Variants in CCNY observed in about 807,000 individuals in gnomAD.
CCNY encodes the protein cyclin-Y.
CCNY carries 19 observed loss-of-function variants against 42.8 expected under a neutral mutation model. The observed-to-expected ratio is 0.44, with a 90% CI of 0.31 to 0.65. The LOEUF (loss-of-function observed/expected upper bound fraction) is 0.65. Ranked by LOEUF, CCNY falls within the 30% of genes least tolerant of loss-of-function variation. The pLI is 0.07. For missense variants in CCNY, 370 were observed against 437.3 expected (o/e 0.85, Z 1.37); for synonymous variants, 165 against 162.7 (o/e 1.01, Z -0.11).
Position 35,530,816 on chromosome 10 carries a change from A to T in CCNY, c.579+573A>T, listed in dbSNP as rs1312691157. Among the ~76,000 whole-genome samples the T allele has an allele frequency of 6.6e-6, 1 of 152,214 alleles. No individual in the cohort carries two copies. The highest frequency in any genetic ancestry group is 1.5e-5 in the Non-Finnish European group (1 of 68,034). On this transcript the variant is annotated intron_variant, in intron 7 of 9. Transcript: ENST00000374704. This position sits in a 1 kb window ranked among gnomAD's most constrained non-coding sequence, Gnocchi z 4.3. ...GCTGGGCTCCATGGCTCACGTCAGT[A>T]ATTTCAGCACTTTGGGAGGTCAAGG... is the stretch of plus-strand genomic sequence containing the variant.
intron 2 of CCNY, among the ~76,000 whole-genome samples, chr10:35,488,793 A>C (rs1378635428): frequency 6.6e-6 from 1 of 152,200 alleles, no homozygotes; most frequent in East Asian, 1.9e-4. Flanking sequence ...TTTTAATACC[A>C]GAGTGATTTG....
chr10:35,292,781 GTTT>G (rs71033391), intron 3 of CCNY, among the ~76,000 whole-genome samples: 1 of 108,758 alleles, frequency 9.2e-6, no homozygotes, highest in African/African-American at 3.5e-5. Flanking sequence ...CTTTGTTTTT[GTTT>G]TTTTTTTTTT....
At chr10:35,459,926 G>T (rs1337697724) in intron 1 of CCNY, among the ~76,000 whole-genome samples, 1 of 152,066 alleles carries the variant, frequency 6.6e-6, no homozygotes, top group African/African-American at 2.4e-5. Flanking sequence ...CCAGTCCCTT[G>T]CTAATTAAAA....
intron 3 of CCNY, among the ~76,000 whole-genome samples, chr10:35,502,652 G>A (rs1328084720): frequency 6.6e-6 from 1 of 152,066 alleles, no homozygotes; most frequent in Non-Finnish European, 1.5e-5. Context: ...AGCAATCTGT[G>A]ACCTTTTCCC....
intron 1 of CCNY, among the ~76,000 whole-genome samples, chr10:35,480,664 T>TA (rs923215251): frequency 6.6e-6 from 1 of 152,094 alleles, no homozygotes; most frequent in African/African-American, 2.4e-5. Context: ...AAACAAAAGT[T>TA]AAAAAAAGCA....
At chr10:35,284,841 T>C (rs1448170675) in intron 3 of CCNY, among the ~76,000 whole-genome samples, 5 of 152,182 alleles carry the variant, frequency 3.3e-5, no homozygotes, top group Non-Finnish European at 7.3e-5. Context: ...CAAAATAATT[T>C]GTAATTTCCC....
intron 2 of CCNY, among the ~76,000 whole-genome samples, chr10:35,488,159 A>G (rs755227665): frequency 6.6e-6 from 1 of 152,232 alleles, no homozygotes; most frequent in Non-Finnish European, 1.5e-5. Context: ...AATAAAAACT[A>G]TCCATCCCTT....
At chr10:35,399,666 A>T (rs1412015959) in intron 1 of CCNY, among the ~76,000 whole-genome samples, 1 of 152,168 alleles carries the variant, frequency 6.6e-6, no homozygotes, top group Non-Finnish European at 1.5e-5. Flanking sequence ...ACATAACGAG[A>T]GTCTGTCTCT....
chr10:35,274,330 A>G (rs915245194), intron 3 of CCNY, among the ~76,000 whole-genome samples: 1 of 152,138 alleles, frequency 6.6e-6, no homozygotes, highest in Non-Finnish European at 1.5e-5. Flanking sequence ...CCCTCCCACA[A>G]CACATGGGAA....
At chr10:35,463,298 A>G (rs939561347) in intron 1 of CCNY, among the ~76,000 whole-genome samples, 2 of 152,140 alleles carry the variant, frequency 1.3e-5, no homozygotes, top group South Asian at 2.1e-4. Context: ...GGCACATGGT[A>G]GATGCTTACT....
At chr10:35,497,918 C>G (rs1840033556) in intron 2 of CCNY, among the ~76,000 whole-genome samples, 1 of 151,968 alleles carries the variant, frequency 6.6e-6, no homozygotes, top group South Asian at 2.1e-4. Flanking sequence ...TGCCTTCTGC[C>G]CATCTCCCTC....
At chr10:35,466,955 T>G (rs1293365295) in intron 1 of CCNY, among the ~76,000 whole-genome samples, 1 of 152,118 alleles carries the variant, frequency 6.6e-6, no homozygotes, top group Non-Finnish European at 1.5e-5. Context: ...TTTTAAATCT[T>G]AAAATGAAAG....
chr10:35,437,810 ACT>A (rs1424955224), intron 1 of CCNY, among the ~76,000 whole-genome samples: 9 of 152,320 alleles, frequency 5.9e-5, no homozygotes, highest in Middle Eastern at 3.4e-3. Context: ...GCACTGTTTT[ACT>A]GTTTCCCCTT....
At chr10:35,523,743 C>A (rs1840595665) in intron 4 of CCNY, among the ~76,000 whole-genome samples, 1 of 152,128 alleles carries the variant, frequency 6.6e-6, no homozygotes, top group African/African-American at 2.4e-5. Context: ...AATATAAGAT[C>A]ATGCTTTTAT....
At chr10:35,479,994 CT>C (rs79345630) in intron 1 of CCNY, among the ~76,000 whole-genome samples, 186 of 145,692 alleles carry the variant, frequency 1.3e-3, no homozygotes, top group Non-Finnish European at 1.3e-3. Flanking sequence ...GGCTTTTCCC[CT>C]TTTTTTTTTT....
chr10:35,315,584 G>A (rs780447735), intron 3 of CCNY, among the ~76,000 whole-genome samples: 5 of 152,156 alleles, frequency 3.3e-5, no homozygotes, highest in Non-Finnish European at 5.9e-5. Context: ...TCACATGCAT[G>A]TGTCTTTAAG....
intron 3 of CCNY, among the ~76,000 whole-genome samples, chr10:35,275,749 C>A (rs927483557): frequency 6.6e-6 from 1 of 150,628 alleles, no homozygotes; most frequent in South Asian, 2.1e-4. Flanking sequence ...GGTGACACAG[C>A]GAGACTCCGT....
chr10:35,516,661 C>CTTTT lies in CCNY; in HGVS notation c.365+62_365+65dup, dbSNP rs35268084. 435 of 327,286 alleles carry CTTTT rather than the reference C, an allele frequency of 1.3e-3. 4 individuals carry two copies. The highest frequency in any genetic ancestry group is 2.6e-3 in the African/African-American group (52 of 20,304). 20.3% of individuals were successfully genotyped at this position (327,286 alleles called of 1,614,324 possible). On this transcript the variant is annotated intron_variant, in intron 4 of 9. Coordinates refer to ENST00000374704, the MANE Select transcript of CCNY (RefSeq NM_145012.6). ...ATTTATTTCCTTCCTTCCTTCCTTCCTTTTTTTTTTTTTTTTTTTTTTTTT... is the reference window on the plus strand; with the variant it reads ...ATTTATTTCCTTCCTTCCTTCCTTCCTTTTTTTTTTTTTTTTTTTTTTTTTTTTT...
At chr10:35,333,109 G>C (rs1197837097), upstream of CCNY, among the ~76,000 whole-genome samples, 14 of 151,802 alleles carry the variant, frequency 9.2e-5, no homozygotes. Context: ...TACAATCATA[G>C]CTCACTGCAG....
Sources: allele counts gnomAD v4.1 joint callset (sites outside exome capture counted in the v4.1 genomes callset), GRCh38; gene constraint gnomAD v4.1.1; non-coding constraint Gnocchi (gnomAD v3.1); transcripts MANE v1.5; gene names NCBI Gene and HGNC (gene_info 2026-07-23, HGNC 2026-07-21).